Variants in FKTN observed in about 807,000 individuals in gnomAD.
The protein encoded by FKTN is fukutin, also known as ribitol-5-phosphate transferase FKTN.
FKTN carries 47 observed loss-of-function variants against 58.6 expected under a neutral mutation model. The ratio of observed to expected loss-of-function variants is 0.80; its 90% confidence interval spans 0.63 to 1.02. FKTN has a LOEUF of 1.02. FKTN is among the 50% of genes least tolerant of loss of function. FKTN has a pLI of 0.00. For missense variants in FKTN, 516 were observed against 537.3 expected, an observed-to-expected ratio of 0.96 and a Z score of 0.39; for synonymous variants, 178 against 191.9, an observed-to-expected ratio of 0.93 and a Z score of 0.60.
At chr9:105,569,055 C>T (rs1289445898) in intron 1 of FKTN, among the ~76,000 whole-genome samples, 4 of 152,120 alleles carry the variant, frequency 2.6e-5, no homozygotes, top group Non-Finnish European at 4.4e-5. Flanking sequence ...AACCAAACAT[C>T]GCATGTTCTC....
chr9:105,619,926 C>T lies in FKTN; in HGVS notation c.1045-8C>T. ...TTCAGTGTGTGAAGGTTTTCATCTT[C>T]CCCATAGGTAGAAGACAGCTTGGAA... On this transcript the variant is annotated splice_region_variant and splice_polypyrimidine_tract_variant and intron_variant, in intron 9 of 10. Coordinates refer to ENST00000357998, the MANE Select transcript of FKTN (RefSeq NM_001079802.2). 1 of 1,609,774 alleles carries T rather than the reference C, an allele frequency of 6.2e-7. No individual in the cohort carries two copies. Among genetic ancestry groups the T allele is most frequent in the Non-Finnish European group, 8.5e-7 (1 of 1,176,686 alleles).
chr9:105,562,375 G>A (rs563811749), intron 1 of FKTN, among the ~76,000 whole-genome samples: 1 of 152,318 alleles, frequency 6.6e-6, no homozygotes, highest in East Asian at 1.9e-4. Flanking sequence ...TGTGTGCTGA[G>A]TCCACCTCTG....
At chr9:105,565,658 T>A (rs1257145377) in intron 1 of FKTN, among the ~76,000 whole-genome samples, 1 of 152,090 alleles carries the variant, frequency 6.6e-6, no homozygotes, top group African/African-American at 2.4e-5. Context: ...GCAAGTCCTG[T>A]GTGACCTACA....
At chr9:105,598,310 G>A in intron 4 of FKTN, 1 of 282,262 alleles carries the variant, frequency 3.5e-6, no homozygotes, top group Non-Finnish European at 7.4e-6. Flanking sequence ...ACTTTTAGAA[G>A]GAATAAAAGG....
At chr9:105,568,128 T>C (rs915519811) in intron 1 of FKTN, among the ~76,000 whole-genome samples, 1 of 152,108 alleles carries the variant, frequency 6.6e-6, no homozygotes, top group Non-Finnish European at 1.5e-5. Flanking sequence ...TTACACCTTA[T>C]ACAAAAATTA....
rs1161665771 is a variant in FKTN, at chr9:105,635,931, T to C, written c.*667T>C. ...TTTCTGTACATGTACTGTTTTCATA[T>C]GTGAAGTGAGAAGAAACTTTATGCT... On this transcript the variant is annotated 3_prime_UTR_variant, in exon 11 of 11. Coordinates refer to ENST00000357998, the MANE Select transcript of FKTN (RefSeq NM_001079802.2). 3.0e-6 allele frequency: 3 copies of C among 986,746 alleles called. No individual in the cohort carries two copies. Among genetic ancestry groups the C allele is most frequent in the Non-Finnish European group, 3.6e-6 (3 of 830,808 alleles). 61.1% of individuals were successfully genotyped at this position (986,746 alleles called of 1,614,324 possible). A position where few individuals can be genotyped will look rare whatever the true frequency, so the allele number is the denominator to read the frequency against.
At chr9:105,600,171 A>C (rs566766016) in intron 4 of FKTN, among the ~76,000 whole-genome samples, 1 of 152,150 alleles carries the variant, frequency 6.6e-6, no homozygotes, top group Non-Finnish European at 1.5e-5. Context: ...AGATTATTGT[A>C]TTCTTGGCAT....
intron 3 of FKTN, among the ~76,000 whole-genome samples, chr9:105,594,880 A>G (rs1302162881): frequency 6.6e-6 from 1 of 152,236 alleles, no homozygotes; most frequent in Non-Finnish European, 1.5e-5. Flanking sequence ...TTGTCAGTGT[A>G]TACAAGAGAA....
At chr9:105,565,691 A>T (rs755104924) in intron 1 of FKTN, among the ~76,000 whole-genome samples, 10 of 152,160 alleles carry the variant, frequency 6.6e-5, no homozygotes, top group Non-Finnish European at 1.0e-4. Context: ...CTCCCATACA[A>T]TAATAATGGG....
Position 105,570,221 on chromosome 9 carries a change from GTTTT to G in FKTN, c.-180-3433_-180-3430del, listed in dbSNP as rs1564202412. 2.6e-5 allele frequency among the ~76,000 whole-genome samples: 4 copies of G among 151,944 alleles called. No homozygotes were observed. In the East Asian group the frequency reaches 7.7e-4, roughly 29 times the overall value. Reference sequence around the variant, plus strand: ...AAAAGTTTTATTTAAATAGTTTTCTGTTTTCTTGAGCATTGTGCAGTGTATTTTT... The same window carrying G: ...AAAAGTTTTATTTAAATAGTTTTCTGCTTGAGCATTGTGCAGTGTATTTTT... On this transcript the variant is annotated intron_variant, in intron 1 of 10. Transcript: ENST00000357998.
At chr9:105,583,869 C>T (rs1022211886) in intron 3 of FKTN, among the ~76,000 whole-genome samples, 1 of 152,082 alleles carries the variant, frequency 6.6e-6, no homozygotes, top group African/African-American at 2.4e-5. Context: ...AATTAGACAT[C>T]TAACTTACAT....
intron 3 of FKTN, among the ~76,000 whole-genome samples, chr9:105,581,515 T>C (rs1448546603): frequency 2.6e-5 from 4 of 151,238 alleles, no homozygotes; most frequent in Admixed American, 1.3e-4. Flanking sequence ...GAGGAGGCAG[T>C]CTGCCGGTTC....
At chr9:105,582,134 G>A (rs1026193210) in intron 3 of FKTN, among the ~76,000 whole-genome samples, 14 of 152,176 alleles carry the variant, frequency 9.2e-5, no homozygotes, top group African/African-American at 1.4e-4. Context: ...CTTCTGCGTC[G>A]CTCATGCTGG....
In FKTN at chr9:105,636,101, A is replaced by G; in HGVS notation, c.*837A>G. 1 of 978,530 alleles carries G rather than the reference A, an allele frequency of 1.0e-6. No homozygotes were observed. Among genetic ancestry groups the G allele is most frequent in the Non-Finnish European group, 1.2e-6 (1 of 823,734 alleles). 60.6% of individuals were successfully genotyped at this position (978,530 alleles called of 1,614,324 possible). A position where few individuals can be genotyped will look rare whatever the true frequency, so the allele number is the denominator to read the frequency against. On this transcript the variant is annotated 3_prime_UTR_variant, in exon 11 of 11. Transcript: ENST00000357998. ...ATTTCACAAAACTCATTTTTATTTT[A>G]TTCTCAGACAGTCTGTTAGGTAAAA... is the stretch of plus-strand genomic sequence containing the variant.
At chr9:105,616,105 ATTGT>A (rs897446257) in intron 8 of FKTN, among the ~76,000 whole-genome samples, 5 of 152,300 alleles carry the variant, frequency 3.3e-5, no homozygotes, top group African/African-American at 1.2e-4. Context: ...ACACTTCTGA[ATTGT>A]TTATTTCTGG....
chr9:105,634,007 T>C (rs2133436543), intron 10 of FKTN, among the ~76,000 whole-genome samples: 1 of 152,346 alleles, frequency 6.6e-6, no homozygotes, highest in Non-Finnish European at 1.5e-5. Flanking sequence ...ATGCAGAATA[T>C]AGAGCAGAGC....
intron 1 of FKTN, among the ~76,000 whole-genome samples, chr9:105,570,602 CCTT>C (rs1237948543): frequency 2.6e-5 from 4 of 152,098 alleles, no homozygotes; most frequent in Non-Finnish European, 5.9e-5. Context: ...TCACTACTGC[CCTT>C]CTTCTTTTGA....
chr9:105,583,753 TTTATG>T (rs1160209578), intron 3 of FKTN, among the ~76,000 whole-genome samples: 1 of 152,184 alleles, frequency 6.6e-6, no homozygotes, highest in South Asian at 2.1e-4. Flanking sequence ...GCATCTGTTT[TTTATG>T]TTATAAGTAG....
Position 105,635,291 on chromosome 9 carries a change from C to T in FKTN, c.*27C>T, listed in dbSNP as rs779758302. The T allele has an allele frequency of 6.2e-7, 1 of 1,612,624 alleles. No homozygotes were observed. Among genetic ancestry groups the T allele is most frequent in the South Asian group, 1.1e-5 (1 of 90,842 alleles). ...ATAGTAGGTTGAAATGGGAGAATTT[C>T]TCTTTTGGAAAAAAAGGTAGATAAC... On this transcript the variant is annotated 3_prime_UTR_variant, in exon 11 of 11. Transcript: ENST00000357998.
Sources: allele counts gnomAD v4.1 joint callset (sites outside exome capture counted in the v4.1 genomes callset), GRCh38; gene constraint gnomAD v4.1.1; transcripts MANE v1.5; gene names NCBI Gene and HGNC (gene_info 2026-07-23, HGNC 2026-07-21).